The following USP31 variants were observed in gnomAD, a reference collection of about 807,000 sequenced individuals.
USP31 encodes the protein ubiquitin specific peptidase 31, also known as ubiquitin carboxyl-terminal hydrolase 31.
USP31 carries 44 observed loss-of-function variants against 119.4 expected under a neutral mutation model. The ratio of observed to expected loss-of-function variants is 0.37; its 90% CI spans 0.29 to 0.47. The LOEUF (loss-of-function observed/expected upper bound fraction) is 0.47. USP31 is among the 20% of genes least tolerant of loss of function. USP31 has a pLI of 0.99. For missense variants in USP31, 1,643 were observed against 1,730.2 expected (o/e 0.95, Z 0.89); for synonymous variants, 749 against 705.6 (o/e 1.06, Z -0.97).
rs573627246 is a variant in USP31, at chr16:23,064,588, T to C, written c.*3458A>G. ...TGGAAGAGTAAAATGTCTCTAAAGATGAAGGGCACTTTTGGTTTCCAGAAG... is the reference window on the plus strand; with the variant it reads ...TGGAAGAGTAAAATGTCTCTAAAGACGAAGGGCACTTTTGGTTTCCAGAAG... On this transcript the variant is annotated 3_prime_UTR_variant, in exon 16 of 16. Transcript: ENST00000219689. 6.6e-6 allele frequency: 1 copy of C among 152,324 alleles called. No homozygotes were observed. The highest frequency in any genetic ancestry group is 2.4e-5 in the African/African-American group (1 of 41,582). 9.4% of individuals were successfully genotyped at this position (152,324 alleles called of 1,614,324 possible). A position where few individuals can be genotyped will look rare whatever the true frequency, so the allele number is the denominator to read the frequency against.
Position 23,072,081 on chromosome 16 carries a change from A to G in USP31, c.2452T>C (p.Ser818Pro), listed in dbSNP as rs1002496569. The change falls in exon 15 of 16, where the codon TCC (serine) becomes CCC (proline). Residue 818 changes from serine (S) to proline (P), a missense_variant. Physicochemically the swap from Ser to Pro is moderately conservative, Grantham distance 74. Coordinates refer to ENST00000219689, the MANE Select transcript of USP31 (RefSeq NM_020718.4). ...RRTSLASLSESVEMTGERSED... is the reference protein window; with the variant it reads ...RRTSLASLSEPVEMTGERSED... Reference sequence around the variant, plus strand: ...CTCCTTTCTCCAGTCATCTCCACGGACTCAGAGAGCGACGCCAGGGAGGTG... The same window carrying G: ...CTCCTTTCTCCAGTCATCTCCACGGGCTCAGAGAGCGACGCCAGGGAGGTG... The G allele has an allele frequency of 1.9e-6, 3 of 1,613,770 alleles. No individual in the cohort carries two copies. The highest frequency in any genetic ancestry group is 1.1e-5 in the South Asian group (1 of 91,060).
intron 9 of USP31, 77 bp downstream of exon 9, chr16:23,087,015 A>G (rs1000927378): frequency 1.8e-6 from 2 of 1,108,222 alleles, no homozygotes; most frequent in African/African-American, 1.6e-5. Context: ...TGTGGAAATT[A>G]TATAAGACAT....
chr16:23,076,703 T>G (rs1434350929), intron 13 of USP31, among the ~76,000 whole-genome samples: 1 of 152,258 alleles, frequency 6.6e-6, no homozygotes, highest in African/African-American at 2.4e-5. Flanking sequence ...CCTGTCTTAT[T>G]CTTCCCAACA....
At chr16:23,143,133 T>C (rs1417136897) in intron 1 of USP31, among the ~76,000 whole-genome samples, 1 of 151,860 alleles carries the variant, frequency 6.6e-6, no homozygotes. Context: ...GCACCAAAGT[T>C]CAAGGAAAAA....
chr16:23,109,322 C>T lies in USP31; in HGVS notation c.634-1139G>A, dbSNP rs144672196. On this transcript the variant is annotated intron_variant, in intron 1 of 15. Transcript: ENST00000219689. ...TGGCCCTTTCGAGGACACTGGGACA[C>T]GGGACATGTCAAAGGGACACAGGAA... Among the ~76,000 whole-genome samples the T allele has an allele frequency of 8.6e-3, 1,309 of 152,064 alleles. 13 individuals carry two copies. Among genetic ancestry groups the T allele is most frequent in the Middle Eastern group, 0.01 (3 of 294 alleles).
At chr16:23,113,964 G>A (rs762098369) in intron 1 of USP31, among the ~76,000 whole-genome samples, 4 of 152,144 alleles carry the variant, frequency 2.6e-5, no homozygotes, top group Non-Finnish European at 5.9e-5. Flanking sequence ...AGTTAGCTAG[G>A]CATGGTGGTA....
Position 23,116,933 on chromosome 16 carries a change from C to T in USP31, c.634-8750G>A, listed in dbSNP as rs527418648. 4.6e-5 allele frequency among the ~76,000 whole-genome samples: 7 copies of T among 152,298 alleles called. No individual in the cohort carries two copies. The East Asian group carries it at 7.7e-4, about 17-fold the overall frequency. On this transcript the variant is annotated intron_variant, in intron 1 of 15. Transcript: ENST00000219689. ...AGAGAAAAGCATGTTATTCCTGGTACAGGTTGAGTATCCCTTATGCAAAAT... is the reference window on the plus strand; with the variant it reads ...AGAGAAAAGCATGTTATTCCTGGTATAGGTTGAGTATCCCTTATGCAAAAT...
At chr16:23,097,803 G>C (rs1408744056) in intron 6 of USP31, among the ~76,000 whole-genome samples, 2 of 152,062 alleles carry the variant, frequency 1.3e-5, no homozygotes, top group Non-Finnish European at 2.9e-5. Flanking sequence ...CAGTAAACTA[G>C]GCATTGATGG....
At chr16:23,118,811 A>C (rs1172173288) in intron 1 of USP31, among the ~76,000 whole-genome samples, 2 of 151,956 alleles carry the variant, frequency 1.3e-5, no homozygotes, top group African/African-American at 4.8e-5. Context: ...ATTTTCTATA[A>C]AATTCACCCT....
rs1490487804 is a variant in USP31 at position 23,149,417 on chromosome 16, C to T, written c.-147G>A. On this transcript the variant is annotated 5_prime_UTR_variant, in exon 1 of 16. Coordinates refer to ENST00000219689, the MANE Select transcript of USP31 (RefSeq NM_020718.4). ...CTCAAAGCGCAGCCGAGCCAGCGAGCGAGCGGCGGCCGGCGGGGCCAGCGG... is the reference window on the plus strand; with the variant it reads ...CTCAAAGCGCAGCCGAGCCAGCGAGTGAGCGGCGGCCGGCGGGGCCAGCGG... 7.4e-6 allele frequency: 7 copies of T among 944,068 alleles called. No homozygotes were observed. The highest frequency in any genetic ancestry group is 8.8e-6 in the Non-Finnish European group (7 of 794,080). The allele number at this position is 944,068 out of a possible 1,614,324, so 58.5% of individuals were successfully genotyped here.
Position 23,107,911 on chromosome 16 carries a change from A to G in USP31, c.771+135T>C, listed in dbSNP as rs189951033. 28 of 1,069,204 alleles carry G rather than the reference A, an allele frequency of 2.6e-5. No homozygotes were observed. The African/African-American group carries it at 4.0e-4, about 15-fold the overall frequency. 66.2% of individuals were successfully genotyped at this position (1,069,204 alleles called of 1,614,324 possible). A position where few individuals can be genotyped will look rare whatever the true frequency, so the allele number is the denominator to read the frequency against. On this transcript the variant is annotated intron_variant, in intron 2 of 15. Coordinates refer to ENST00000219689, the MANE Select transcript of USP31 (RefSeq NM_020718.4). ...AGTAAACAAAATGAAATGTCCTTTAAGTAGCCACTGAATCTTATACTCACC... is the reference window on the plus strand; with the variant it reads ...AGTAAACAAAATGAAATGTCCTTTAGGTAGCCACTGAATCTTATACTCACC...
At chr16:23,077,512 G>A (rs1482605245) in intron 13 of USP31, among the ~76,000 whole-genome samples, 2 of 152,102 alleles carry the variant, frequency 1.3e-5, no homozygotes, top group Non-Finnish European at 2.9e-5. Flanking sequence ...GGAGGTTCAC[G>A]GCTAAATACT....
intron 15 of USP31, among the ~76,000 whole-genome samples, chr16:23,071,376 T>C (rs1438151225): frequency 6.6e-6 from 1 of 151,682 alleles, no homozygotes; most frequent in Non-Finnish European, 1.5e-5. Context: ...CAGCTCCCAG[T>C]ACTGTGGCTG....
chr16:23,147,400 C>T (rs1280516969), intron 1 of USP31, among the ~76,000 whole-genome samples: 3 of 152,180 alleles, frequency 2.0e-5, no homozygotes, highest in Non-Finnish European at 2.9e-5. Context: ...TGAGCCACTG[C>T]GCCCCGCCCG....
chr16:23,135,941 G>A (rs1903175062), intron 1 of USP31, among the ~76,000 whole-genome samples: 1 of 152,162 alleles, frequency 6.6e-6, no homozygotes, highest in East Asian at 1.9e-4. Flanking sequence ...ACTGTACACA[G>A]CTACAGCAAT....
intron 1 of USP31, among the ~76,000 whole-genome samples, chr16:23,141,628 C>T (rs772581922): frequency 1.4e-4 from 21 of 152,282 alleles, no homozygotes; most frequent in South Asian, 2.1e-4. Context: ...CTGTCTACCA[C>T]GGCCTCCCAA....
At chr16:23,070,272 G>C (rs1305201662) in intron 15 of USP31, among the ~76,000 whole-genome samples, 1 of 152,140 alleles carries the variant, frequency 6.6e-6, no homozygotes, top group Non-Finnish European at 1.5e-5. Context: ...GCTAATACCA[G>C]AACCCAGAAC....
chr16:23,088,562 G>A (rs943856060), intron 7 of USP31, among the ~76,000 whole-genome samples: 1 of 152,134 alleles, frequency 6.6e-6, no homozygotes, highest in Non-Finnish European at 1.5e-5. Context: ...TGAATTCCCT[G>A]AATGTGTCCT....
chr16:23,112,536 T>C (rs888599444), intron 1 of USP31, among the ~76,000 whole-genome samples: 52 of 151,890 alleles, frequency 3.4e-4, no homozygotes, highest in Admixed American at 2.7e-3. Flanking sequence ...GAACGCGCCA[T>C]TGCACTCCAG....
Sources: gnomAD v4.1 joint callset for allele counts (sites outside exome capture counted in the v4.1 genomes callset) on GRCh38, gnomAD v4.1.1 for gene constraint, MANE v1.5 for transcripts, NCBI Gene and HGNC (gene_info 2026-07-23, HGNC 2026-07-21) for gene names.